Variants in PTPRD observed in about 807,000 individuals in gnomAD.
PTPRD encodes the protein receptor-type tyrosine-protein phosphatase delta.
Under a neutral mutation model 214.5 loss-of-function variants are expected in PTPRD, and 34 were observed. The ratio of observed to expected loss-of-function variants is 0.16; its 90% CI spans 0.12 to 0.21. The LOEUF is 0.21. Among genes scored for constraint, PTPRD ranks in the 10% least tolerant of loss-of-function variants. The pLI, the probability that PTPRD is intolerant of heterozygous loss-of-function variation, is 1.00. For missense variants in PTPRD, 2,545 were observed against 2,398.7 expected, an observed-to-expected ratio of 1.06 and a Z score of -1.27; for synonymous variants, 1,128 against 845.7, an observed-to-expected ratio of 1.33 and a Z score of -5.79.
chr9:9,738,438 A>ATT (rs1564880927), intron 6 of PTPRD, among the ~76,000 whole-genome samples: 2 of 54,314 alleles, frequency 3.7e-5, no homozygotes, highest in Non-Finnish European at 6.4e-5. Flanking sequence ...TCACTCACTC[A>ATT]CTTTTTTTTT....
At chr9:9,760,653 C>CATAT (rs142175928) in intron 6 of PTPRD, among the ~76,000 whole-genome samples, 9 of 61,328 alleles carry the variant, frequency 1.5e-4, no homozygotes, top group African/African-American at 4.1e-4. Context: ...CACACACACA[C>CATAT]ATATATATAT....
chr9:9,767,572 G>C (rs994080019), intron 5 of PTPRD, among the ~76,000 whole-genome samples: 2 of 151,980 alleles, frequency 1.3e-5, no homozygotes, highest in Non-Finnish European at 2.9e-5. Flanking sequence ...CTAAATCTGA[G>C]AACTCACATT....
At chr9:8,332,259 CGTTGTCA>C (rs1564005365) in intron 43 of PTPRD, among the ~76,000 whole-genome samples, 1 of 152,056 alleles carries the variant, frequency 6.6e-6, no homozygotes, top group African/African-American at 2.4e-5. Flanking sequence ...GTATTTCTAC[CGTTGTCA>C]AATGACAAAT....
intron 5 of PTPRD, among the ~76,000 whole-genome samples, chr9:9,913,419 G>C (rs1488979602): frequency 6.6e-6 from 1 of 152,092 alleles, no homozygotes; most frequent in Non-Finnish European, 1.5e-5. Context: ...ACAAAACAGA[G>C]TGATCTCATC....
At chr9:8,650,679 A>T (rs1459289723) in intron 12 of PTPRD, among the ~76,000 whole-genome samples, 2 of 152,196 alleles carry the variant, frequency 1.3e-5, no homozygotes, top group African/African-American at 4.8e-5. Context: ...GCCCAGCATT[A>T]TTCACATTTA....
chr9:9,912,535 T>C (rs2079496803), intron 5 of PTPRD, among the ~76,000 whole-genome samples: 1 of 152,180 alleles, frequency 6.6e-6, no homozygotes, highest in African/African-American at 2.4e-5. Context: ...GCCTCATCAC[T>C]ACCTAGAAAT....
chr9:10,061,357 T>A (rs2097775154), intron 3 of PTPRD, among the ~76,000 whole-genome samples: 1 of 152,042 alleles, frequency 6.6e-6, no homozygotes, highest in Non-Finnish European at 1.5e-5. Flanking sequence ...GACTATAACT[T>A]AGGGAAAACA....
chr9:10,541,833 A>T (rs1299606387), intron 2 of PTPRD, among the ~76,000 whole-genome samples: 8 of 152,094 alleles, frequency 5.3e-5, no homozygotes, highest in Admixed American at 5.2e-4. Context: ...TGGGTTAAAT[A>T]TATTTAATAA....
At chr9:10,136,573 G>T (rs1359283278) in intron 3 of PTPRD, among the ~76,000 whole-genome samples, 1 of 86,390 alleles carries the variant, frequency 1.2e-5, no homozygotes, top group African/African-American at 5.0e-5. Flanking sequence ...AGATTTAAAC[G>T]TTAAACCTAA....
At chr9:9,961,106 C>G (rs2094332965) in intron 4 of PTPRD, among the ~76,000 whole-genome samples, 3 of 152,080 alleles carry the variant, frequency 2.0e-5, no homozygotes, top group Admixed American at 6.6e-5. Context: ...ATATGAATTA[C>G]AACTAGGTTA....
At chr9:8,853,000 A>C (rs1421580950) in intron 11 of PTPRD, among the ~76,000 whole-genome samples, 1 of 152,220 alleles carries the variant, frequency 6.6e-6, no homozygotes, top group African/African-American at 2.4e-5. Context: ...TGTAATACGT[A>C]AAGTACATAA....
At position 8,486,097 on chromosome 9, in the gene PTPRD, A is replaced by C. The variant is rs777369355; in HGVS notation, c.2720T>G (p.Met907Arg). The C allele has an allele frequency of 4.3e-6, 7 of 1,614,192 alleles. No individual in the cohort carries two copies. In the Admixed American group the frequency reaches 1.0e-4, roughly 23 times the overall value. ...ARNKVGFGEEMVKEISIPEEV... is the reference protein window; with the variant it reads ...ARNKVGFGEERVKEISIPEEV... Reference sequence around the variant, plus strand: ...TTCTGGAATGGAAATCTCCTTCACCATCTCCTCCCCAAAGCCCACTTTGTT... The same window carrying C: ...TTCTGGAATGGAAATCTCCTTCACCCTCTCCTCCCCAAAGCCCACTTTGTT... Residue 907 changes from methionine to arginine, a missense_variant, in exon 28 of 46, where the codon ATG (methionine) becomes AGG (arginine). Met to Arg is a moderately conservative substitution (Grantham distance 91). Coordinates refer to ENST00000381196, the MANE Select transcript of PTPRD (RefSeq NM_002839.4).
Position 8,690,778 on chromosome 9 carries a change from A to C in PTPRD, c.64+43002T>G, listed in dbSNP as rs367756053. Among the ~76,000 whole-genome samples, 92 of 152,232 alleles carry C rather than the reference A, an allele frequency of 6.0e-4. 1 individual carries two copies. The highest frequency in any genetic ancestry group is 2.1e-3 in the African/African-American group (89 of 41,524). ...TCTACTCTTAGTGAAAACTAAGAAAACTCTTTTAGCAACTTAAAAATATAC... is the reference window on the plus strand; with the variant it reads ...TCTACTCTTAGTGAAAACTAAGAAACCTCTTTTAGCAACTTAAAAATATAC... On this transcript the variant is annotated intron_variant, in intron 12 of 45. Transcript: ENST00000381196.
chr9:8,564,929 A>G (rs1373724292), intron 14 of PTPRD, among the ~76,000 whole-genome samples: 1 of 152,216 alleles, frequency 6.6e-6, no homozygotes, highest in East Asian at 1.9e-4. Flanking sequence ...GTTAAAATGG[A>G]AAGAAATCAT....
intron 11 of PTPRD, among the ~76,000 whole-genome samples, chr9:8,913,880 T>C (rs1169206561): frequency 1.3e-5 from 2 of 152,170 alleles, no homozygotes; most frequent in Non-Finnish European, 2.9e-5. Flanking sequence ...CATCTAAGTA[T>C]TACCTGTTCA....
intron 8 of PTPRD, among the ~76,000 whole-genome samples, chr9:9,479,228 C>CCCA (rs1436842502): frequency 1.1e-4 from 12 of 110,544 alleles, no homozygotes; most frequent in African/African-American, 4.0e-4. Flanking sequence ...CCCCCCCCCC[C>CCCA]CACACACACA....
At chr9:9,400,639 C>T (rs1274682264) in intron 8 of PTPRD, among the ~76,000 whole-genome samples, 22 of 151,906 alleles carry the variant, frequency 1.4e-4, no homozygotes, top group Admixed American at 1.4e-3. Context: ...ATATAGAAAT[C>T]CTTCCAGTTA....
intron 3 of PTPRD, among the ~76,000 whole-genome samples, chr9:10,073,341 A>T (rs986719230): frequency 2.0e-5 from 3 of 152,062 alleles, no homozygotes; most frequent in Admixed American, 6.6e-5. Context: ...TTGGAAATGA[A>T]TGTTGTCTCT....
At chr9:9,636,475 T>A (rs1257457558) in intron 7 of PTPRD, among the ~76,000 whole-genome samples, 1 of 152,022 alleles carries the variant, frequency 6.6e-6, no homozygotes, top group Non-Finnish European at 1.5e-5. Flanking sequence ...GATACAGTTA[T>A]ATAGATATTG....
Sources: allele counts gnomAD v4.1 joint callset (sites outside exome capture counted in the v4.1 genomes callset), GRCh38; gene constraint gnomAD v4.1.1; transcripts MANE v1.5; gene names NCBI Gene and HGNC (gene_info 2026-07-23, HGNC 2026-07-21).